ARHGEF4: variants seen among roughly 807,000 people sequenced by gnomAD.
ARHGEF4 encodes Rho guanine nucleotide exchange factor 4.
A neutral mutation model predicts 162.0 loss-of-function variants in ARHGEF4; 119 were observed. The ratio of observed to expected loss-of-function variants is 0.73; its 90% CI spans 0.63 to 0.86. The LOEUF (loss-of-function observed/expected upper bound fraction) is 0.86, where lower values mean the gene tolerates loss of function less well. ARHGEF4 is among the 40% of genes least tolerant of loss of function. ARHGEF4 has a pLI of 0.00. For synonymous variants in ARHGEF4, 1,014 were observed against 979.9 expected, an observed-to-expected ratio of 1.03 and a Z score of -0.65; for missense variants, 2,488 against 2,456.0, an observed-to-expected ratio of 1.01 and a Z score of -0.28.
At chr2:130,987,997 T>C (rs1686635196) in intron 4 of ARHGEF4, among the ~76,000 whole-genome samples, 1 of 152,108 alleles carries the variant, frequency 6.6e-6, no homozygotes, top group South Asian at 2.1e-4. Context: ...TGCGGCAGAC[T>C]TCTCATCCGT....
In ARHGEF4 at chr2:130,974,201, G is replaced by T. The variant is rs548274252; in HGVS notation, c.3985+27566G>T. 2.0e-3 allele frequency among the ~76,000 whole-genome samples: 299 copies of T among 149,466 alleles called. 7 individuals are homozygous for T. The highest frequency in any genetic ancestry group is 0.015 in the Admixed American group (223 of 15,046). ...GTGGGAGGATTGCTTGACCCTGGGA[G>T]ATTGAGGCTACAGTGAGCCGAGATC... On this transcript the variant is annotated intron_variant, in intron 4 of 13. Transcript: ENST00000409359.
intron 4 of ARHGEF4, among the ~76,000 whole-genome samples, chr2:130,987,321 C>T (rs1297769163): frequency 3.3e-5 from 5 of 152,310 alleles, no homozygotes; most frequent in East Asian, 3.9e-4. Context: ...AGTTGGTTCC[C>T]GCCCGGTGGG....
intron 1 of ARHGEF4, among the ~76,000 whole-genome samples, chr2:130,885,680 C>T (rs1679477769): frequency 6.7e-6 from 1 of 149,778 alleles, no homozygotes; most frequent in Non-Finnish European, 1.5e-5. Flanking sequence ...AGCGATTCTC[C>T]TGCCTCAGCC....
chr2:130,897,083 C>T (rs1358981835), intron 1 of ARHGEF4, among the ~76,000 whole-genome samples: 1 of 152,198 alleles, frequency 6.6e-6, no homozygotes, highest in Non-Finnish European at 1.5e-5. Context: ...AGCGTAAATG[C>T]TAGTTCCTGG....
At chr2:130,895,233 G>A (rs564577117) in intron 1 of ARHGEF4, among the ~76,000 whole-genome samples, 3 of 152,244 alleles carry the variant, frequency 2.0e-5, no homozygotes, top group Non-Finnish European at 4.4e-5. Context: ...CATGCCTTGA[G>A]ACCTCACCAT....
chr2:131,026,004 T>C (rs556692069), intron 4 of ARHGEF4, among the ~76,000 whole-genome samples: 8 of 152,354 alleles, frequency 5.3e-5, no homozygotes, highest in Admixed American at 3.9e-4. Flanking sequence ...TCACAGGCTC[T>C]GGAGATGCCA....
chr2:130,926,950 G>C (rs2105092137), intron 2 of ARHGEF4, among the ~76,000 whole-genome samples: 1 of 149,032 alleles, frequency 6.7e-6, no homozygotes, highest in African/African-American at 2.5e-5. Flanking sequence ...AATGTCTCTG[G>C]TTGGAGGGGA....
At chr2:130,882,806 T>TG (rs1431921808) in intron 1 of ARHGEF4, among the ~76,000 whole-genome samples, 1 of 151,832 alleles carries the variant, frequency 6.6e-6, no homozygotes, top group Non-Finnish European at 1.5e-5. Context: ...AGGGCCAGGG[T>TG]GGGGGTCTCA....
At chr2:131,036,063 G>A (rs926983212) in intron 5 of ARHGEF4, among the ~76,000 whole-genome samples, 6 of 152,166 alleles carry the variant, frequency 3.9e-5, no homozygotes, top group Non-Finnish European at 5.9e-5. Context: ...GTCAGTCTCC[G>A]CTCCCTGCAG....
intron 1 of ARHGEF4, among the ~76,000 whole-genome samples, chr2:130,888,676 A>G (rs1053006729): frequency 2.0e-5 from 3 of 152,106 alleles, no homozygotes; most frequent in East Asian, 3.8e-4. Flanking sequence ...TTTTGTTTCC[A>G]GATACTTAGG....
intron 4 of ARHGEF4, among the ~76,000 whole-genome samples, chr2:131,020,347 A>G (rs1284627043): frequency 1.5e-5 from 1 of 67,852 alleles, no homozygotes; most frequent in African/African-American, 6.5e-5. Context: ...CCCTCCCCCC[A>G]CCCCACAACA....
At chr2:130,867,150 G>A (rs1376042837) in intron 1 of ARHGEF4, among the ~76,000 whole-genome samples, 1 of 151,932 alleles carries the variant, frequency 6.6e-6, no homozygotes, top group African/African-American at 2.4e-5. Context: ...TTTTCAAACT[G>A]GGGGGTATAG....
intron 1 of ARHGEF4, among the ~76,000 whole-genome samples, chr2:130,874,491 A>G (rs551893671): frequency 6.6e-6 from 1 of 152,354 alleles, no homozygotes; most frequent in African/African-American, 2.4e-5. Context: ...ACAAATAAAC[A>G]AAGTCTGCTC....
intron 4 of ARHGEF4, among the ~76,000 whole-genome samples, chr2:130,952,427 C>A (rs1388805208): frequency 6.6e-6 from 1 of 152,042 alleles, no homozygotes; most frequent in Non-Finnish European, 1.5e-5. Context: ...ATAATAAGAG[C>A]TATTTATGAC....
At chr2:130,971,655 CAA>C (rs35136790) in intron 4 of ARHGEF4, among the ~76,000 whole-genome samples, 2 of 101,338 alleles carry the variant, frequency 2.0e-5, no homozygotes, top group African/African-American at 4.0e-5. Flanking sequence ...GAGACTGTCT[CAA>C]AAAAAAAAAA....
chr2:131,041,216 G>T lies in ARHGEF4; in HGVS notation c.4663-14G>T, dbSNP rs776541125. 27 of 1,609,442 alleles carry T rather than the reference G, an allele frequency of 1.7e-5. No individual in the cohort carries two copies. The highest frequency in any genetic ancestry group is 2.7e-5 in the African/African-American group (2 of 74,898). ...CAGCAGAGAGCTCTGCTAACCTCCAGCTGTGCCCCTTAGCAAGCCGACTTC... is the reference window on the plus strand; with the variant it reads ...CAGCAGAGAGCTCTGCTAACCTCCATCTGTGCCCCTTAGCAAGCCGACTTC... On this transcript the variant is annotated splice_polypyrimidine_tract_variant and intron_variant, in intron 8 of 13. Transcript: ENST00000409359.
chr2:130,988,895 T>TAGAGAG (rs1259444648), intron 4 of ARHGEF4, among the ~76,000 whole-genome samples: 255 of 109,030 alleles, frequency 2.3e-3, no homozygotes, highest in Middle Eastern at 4.6e-3. Context: ...TATATATATA[T>TAGAGAG]ATATATAGAG....
intron 6 of ARHGEF4, 114 bp from the exon 7 acceptor site, chr2:131,039,902 G>GCGCCC: frequency 6.8e-7 from 1 of 1,460,952 alleles, no homozygotes; most frequent in Admixed American, 2.6e-5. Context: ...CCTCAGCCCT[G>GCGCCC]CGCCCCGTAC....
At chr2:130,966,471 C>A (rs1685011359) in intron 4 of ARHGEF4, among the ~76,000 whole-genome samples, 1 of 152,320 alleles carries the variant, frequency 6.6e-6, no homozygotes, top group African/African-American at 2.4e-5. Context: ...GGGAGGTTAC[C>A]TTTTGAGCAC....
Sources: gnomAD v4.1 joint callset for allele counts (sites outside exome capture counted in the v4.1 genomes callset) on GRCh38, gnomAD v4.1.1 for gene constraint, MANE v1.5 for transcripts, NCBI Gene and HGNC (gene_info 2026-07-23, HGNC 2026-07-21) for gene names.